CACNA2D2: variants seen among roughly 807,000 people sequenced by gnomAD.
CACNA2D2 encodes the protein voltage-dependent calcium channel subunit alpha-2/delta-2.
CACNA2D2 carries 48 observed loss-of-function variants against 166.4 expected under a neutral mutation model. The ratio of observed to expected loss-of-function variants is 0.29; its 90% CI spans 0.23 to 0.37. The LOEUF (loss-of-function observed/expected upper bound fraction) is 0.37, where lower values mean the gene tolerates loss of function less well. CACNA2D2 is among the 10% of genes least tolerant of loss of function. The pLI is 1.00. For missense variants in CACNA2D2, 1,122 were observed against 1,433.0 expected, an observed-to-expected ratio of 0.78 and a Z score of 3.50; for synonymous variants, 561 against 573.7, an observed-to-expected ratio of 0.98 and a Z score of 0.32.
intron 5 of CACNA2D2, among the ~76,000 whole-genome samples, chr3:50,386,097 C>A (rs1705592236): frequency 6.6e-6 from 1 of 152,154 alleles, no homozygotes. Flanking sequence ...TGTGTGCGTG[C>A]TGTCATTTAT....
At chr3:50,438,541 G>A (rs1708451377) in intron 2 of CACNA2D2, among the ~76,000 whole-genome samples, 3 of 152,208 alleles carry the variant, frequency 2.0e-5, no homozygotes, top group South Asian at 4.1e-4. Flanking sequence ...TGCAGGAATG[G>A]TGACCTTGGA....
In CACNA2D2 at chr3:50,366,112, T is replaced by C. The variant is rs1704265366; in HGVS notation, c.2761A>G (p.Asn921Asp). 1 of 1,613,824 alleles carries C rather than the reference T, an allele frequency of 6.2e-7. No homozygotes were observed. Among genetic ancestry groups the C allele is most frequent in the African/African-American group, 1.3e-5 (1 of 74,890 alleles). ...VDANLMLALY[N>D]NSFYTRKESY... ...TCCTTGCGGGTGTAGAAGGAGTTAT[T>C]GTAGAGTGCCAGCATCAGGTTGGCA... The change falls in exon 32 of 38, where the codon AAT (asparagine) becomes GAT (aspartate). Residue 921 changes from asparagine to aspartate, a missense_variant. Asn to Asp is a conservative substitution (Grantham distance 23, BLOSUM62 1). Coordinates refer to ENST00000424201, the MANE Select transcript of CACNA2D2 (RefSeq NM_006030.4). This position sits in a 1 kb window ranked among gnomAD's most constrained non-coding sequence, Gnocchi z 5.9.
At chr3:50,482,252 A>G (rs1480553667) in intron 1 of CACNA2D2, among the ~76,000 whole-genome samples, 1 of 152,096 alleles carries the variant, frequency 6.6e-6, no homozygotes. Context: ...CCTGCTGCAA[A>G]CAGCAGGAAG....
At position 50,365,812 on chromosome 3, in the gene CACNA2D2, G is replaced by T; in HGVS notation, c.2913C>A (p.Ala971=). 20 of 1,613,520 alleles carry T rather than the reference G, an allele frequency of 1.2e-5. No homozygotes were observed. Among genetic ancestry groups the T allele is most frequent in the Non-Finnish European group, 1.7e-5 (20 of 1,180,016 alleles). The stretch of plus-strand genomic sequence containing the variant: ...CCCACCTCCCGCTCAGGACTCACCA[G>T]GCGGCAGCAGAGGTCCACCAGGCCA... ...LNLAWWTSAA[A]WSLFQQLLYG... is the part of the protein sequence containing the mutation. The change falls in exon 33 of 38, where the codon GCC becomes GCA. Residue 971 remains alanine, a splice_region_variant and synonymous_variant. Transcript: ENST00000424201. This position sits in a 1 kb window ranked among gnomAD's most constrained non-coding sequence, Gnocchi z 4.5.
At chr3:50,455,426 A>G (rs1709309893) in intron 2 of CACNA2D2, among the ~76,000 whole-genome samples, 1 of 152,216 alleles carries the variant, frequency 6.6e-6, no homozygotes. Context: ...CGACCGGCAC[A>G]TGGACTTTTA....
At chr3:50,438,462 G>A (rs776267721) in intron 2 of CACNA2D2, among the ~76,000 whole-genome samples, 2 of 152,126 alleles carry the variant, frequency 1.3e-5, no homozygotes, top group African/African-American at 2.4e-5. Flanking sequence ...TAGAAGCCCC[G>A]AACCCTCTGC....
At chr3:50,503,055 C>T (rs951909497) in intron 1 of CACNA2D2, among the ~76,000 whole-genome samples, 163 bp downstream of exon 1, 2 of 152,178 alleles carry the variant, frequency 1.3e-5, no homozygotes, top group African/African-American at 4.8e-5. Context: ...GGGACCGCGG[C>T]TGCCAGCCTT....
chr3:50,399,734 G>A lies in CACNA2D2; in HGVS notation c.406-5566C>T, dbSNP rs560098500. 2.6e-5 allele frequency among the ~76,000 whole-genome samples: 4 copies of A among 152,182 alleles called. No individual in the cohort carries two copies. In the South Asian group the frequency reaches 8.3e-4, roughly 32 times the overall value. ...AAGAGGGGGCATCAAACCCAGGTTC[G>A]CCTGGTGGTAAAGCCCAGCAGTATT... On this transcript the variant is annotated intron_variant, in intron 3 of 37. Coordinates refer to ENST00000424201, the MANE Select transcript of CACNA2D2 (RefSeq NM_006030.4).
chr3:50,428,930 GATTTA>G (rs1187620537), intron 3 of CACNA2D2, among the ~76,000 whole-genome samples: 4 of 152,220 alleles, frequency 2.6e-5, no homozygotes, highest in African/African-American at 2.4e-5. Context: ...CAACTATCTG[GATTTA>G]AACCCTGGTT....
chr3:50,398,677 A>C (rs1706281784), intron 3 of CACNA2D2, among the ~76,000 whole-genome samples: 1 of 152,120 alleles, frequency 6.6e-6, no homozygotes, highest in Non-Finnish European at 1.5e-5. Flanking sequence ...CTATGAAGTC[A>C]CTGATGGTGC....
chr3:50,369,476 TACAC>T (rs1232408238), intron 23 of CACNA2D2, among the ~76,000 whole-genome samples: 3 of 152,214 alleles, frequency 2.0e-5, no homozygotes, highest in Admixed American at 6.5e-5. Flanking sequence ...GACTCACAAA[TACAC>T]ACATCTACAG....
intron 3 of CACNA2D2, among the ~76,000 whole-genome samples, chr3:50,399,949 C>T (rs1023469340): frequency 3.3e-5 from 5 of 152,142 alleles, no homozygotes; most frequent in Admixed American, 6.5e-5. Flanking sequence ...ATCCAGGCCA[C>T]GGGAGGGGAC....
intron 6 of CACNA2D2, among the ~76,000 whole-genome samples, chr3:50,382,696 C>T (rs889941162): frequency 3.3e-5 from 5 of 152,220 alleles, no homozygotes; most frequent in African/African-American, 1.2e-4. Context: ...CCAGGCCCTC[C>T]AGAGTTTCAC....
chr3:50,381,839 C>T (rs1265482469), intron 6 of CACNA2D2, among the ~76,000 whole-genome samples: 8 of 152,078 alleles, frequency 5.3e-5, no homozygotes, highest in African/African-American at 1.7e-4. Flanking sequence ...AGGGCACACA[C>T]GTTCATGCCT....
In CACNA2D2 at chr3:50,388,228, G is replaced by A. The variant is rs587668356; in HGVS notation, c.466-616C>T. On this transcript the variant is annotated intron_variant, in intron 4 of 37. Transcript: ENST00000424201. ...CGCCTGGGTTCTTGGCCATCTGTGCGTCATAATCACCGGCCGCCCCGGGGA... is the reference window on the plus strand; with the variant it reads ...CGCCTGGGTTCTTGGCCATCTGTGCATCATAATCACCGGCCGCCCCGGGGA... 2.6e-5 allele frequency among the ~76,000 whole-genome samples: 4 copies of A among 152,214 alleles called. No homozygotes were observed. In the East Asian group the frequency reaches 5.8e-4, roughly 22 times the overall value.
rs752328034 is a variant in CACNA2D2, at chr3:50,422,456, T to A, written c.405+11857A>T. Among the ~76,000 whole-genome samples, 103 of 152,130 alleles carry A rather than the reference T, an allele frequency of 6.8e-4. 1 individual carries two copies. The highest frequency in any genetic ancestry group is 1.8e-4 in the Non-Finnish European group (12 of 68,026). The stretch of plus-strand genomic sequence containing the variant: ...AATGCCCCTTCCCTGTGCTTCCAGG[T>A]AACTAGGACACTTTTTCACAGAATC... On this transcript the variant is annotated intron_variant, in intron 3 of 37. Transcript: ENST00000424201.
At chr3:50,425,718 C>T (rs534369021) in intron 3 of CACNA2D2, among the ~76,000 whole-genome samples, 1 of 152,188 alleles carries the variant, frequency 6.6e-6, no homozygotes, top group African/African-American at 2.4e-5. Context: ...CTGGGACCCC[C>T]GGAGAAGTGG....
intron 2 of CACNA2D2, among the ~76,000 whole-genome samples, chr3:50,448,702 G>C (rs1211659646): frequency 2.0e-5 from 3 of 152,104 alleles, no homozygotes; most frequent in African/African-American, 4.8e-5. Flanking sequence ...GGGAACATCT[G>C]TGTGTGTGCA....
chr3:50,484,661 A>AC lies in CACNA2D2; in HGVS notation c.207-8463dup, dbSNP rs376881872. The stretch of plus-strand genomic sequence containing the variant: ...TCCTTGCCCCTCCATTTGAAATTGC[A>AC]CCCCCCCCAGCAGCAACTGATCTCC... On this transcript the variant is annotated intron_variant, in intron 1 of 37. Coordinates refer to ENST00000424201, the MANE Select transcript of CACNA2D2 (RefSeq NM_006030.4). Among the ~76,000 whole-genome samples, 667 of 149,476 alleles carry AC rather than the reference A, an allele frequency of 4.5e-3. 4 individuals carry two copies. Among genetic ancestry groups the AC allele is most frequent in the Middle Eastern group, 0.024 (7 of 290 alleles).
Sources: gnomAD v4.1 joint callset for allele counts (sites outside exome capture counted in the v4.1 genomes callset) on GRCh38, gnomAD v4.1.1 for gene constraint, Gnocchi (gnomAD v3.1) non-coding constraint, MANE v1.5 for transcripts, NCBI Gene and HGNC (gene_info 2026-07-23, HGNC 2026-07-21) for gene names.